Variants in PIK3C2B observed in about 807,000 individuals in gnomAD.
PIK3C2B encodes phosphatidylinositol 4-phosphate 3-kinase C2 domain-containing subunit beta.
A neutral mutation model predicts 184.3 loss-of-function variants in PIK3C2B; 83 were observed. The observed-to-expected ratio is 0.45, with a 90% CI of 0.38 to 0.54. The LOEUF is 0.54. Ranked by LOEUF, PIK3C2B falls within the 20% of genes least tolerant of loss-of-function variation. The pLI, the probability that PIK3C2B is intolerant of heterozygous loss-of-function variation, is 0.00. For missense variants in PIK3C2B, 1,736 were observed against 2,113.5 expected (o/e 0.82, Z 3.50); for synonymous variants, 779 against 837.6 (o/e 0.93, Z 1.21).
At position 204,469,668 on chromosome 1, in the gene PIK3C2B, C is replaced by T. The variant is rs377761619; in HGVS notation, c.135G>A (p.Glu45=). ...DALSRLRHDK[E]ENRAKQNADP... Reference sequence around the variant, plus strand: ...CTGCGTTCTGCTTGGCTCTGTTCTCCTCCTTGTCATGCCGGAGCCGGGACA... The same window carrying T: ...CTGCGTTCTGCTTGGCTCTGTTCTCTTCCTTGTCATGCCGGAGCCGGGACA... Residue 45 remains glutamate, a synonymous_variant, in exon 2 of 33, where the codon GAG becomes GAA. Coordinates refer to ENST00000684373, the MANE Select transcript of PIK3C2B (RefSeq NM_001377334.1). The T allele has an allele frequency of 3.0e-5, 48 of 1,613,948 alleles. No homozygotes were observed. Among genetic ancestry groups the T allele is most frequent in the Non-Finnish European group, 3.8e-5 (45 of 1,180,012 alleles).
intron 29 of PIK3C2B, among the ~76,000 whole-genome samples, chr1:204,429,713 G>T (rs1674937189): frequency 6.6e-6 from 1 of 151,702 alleles, no homozygotes; most frequent in Non-Finnish European, 1.5e-5. Context: ...TCACCTTTCT[G>T]TTTAATTGCA....
At chr1:204,445,276 A>T (rs1653755662) in intron 16 of PIK3C2B, among the ~76,000 whole-genome samples, 1 of 151,924 alleles carries the variant, frequency 6.6e-6, no homozygotes, top group Admixed American at 6.6e-5. Flanking sequence ...AGGGAGTTTA[A>T]TGGTGTCTGT....
At chr1:204,426,440 A>C (rs1674747039) in intron 31 of PIK3C2B, among the ~76,000 whole-genome samples, 1 of 152,190 alleles carries the variant, frequency 6.6e-6, no homozygotes, top group African/African-American at 2.4e-5. Flanking sequence ...CCTCAGATGC[A>C]TAAACATGGC....
chr1:204,476,706 G>A (rs1371304587), intron 1 of PIK3C2B, among the ~76,000 whole-genome samples: 1 of 152,240 alleles, frequency 6.6e-6, no homozygotes, highest in Non-Finnish European at 1.5e-5. Flanking sequence ...CCCATCCAGG[G>A]AGAGATGGCT....
rs1674609380 is a variant in PIK3C2B at position 204,423,857 on chromosome 1, A to G, written c.*995T>C. Reference sequence around the variant, plus strand: ...ATCTGCAGCCTAGGGACCTCTTCCCAGGGCCAAGATGCTCTTGGGTGAAAC... The same window carrying G: ...ATCTGCAGCCTAGGGACCTCTTCCCGGGGCCAAGATGCTCTTGGGTGAAAC... On this transcript the variant is annotated 3_prime_UTR_variant, in exon 33 of 33. Transcript: ENST00000684373. 2.6e-5 allele frequency: 4 copies of G among 152,604 alleles called. No homozygotes were observed. The highest frequency in any genetic ancestry group is 2.6e-4 in the Admixed American group (4 of 15,284). The allele number at this position is 152,604 out of a possible 1,614,324, so 9.5% of individuals were successfully genotyped here.
In PIK3C2B at chr1:204,440,085, GC is replaced by G. The variant is rs1201183686; in HGVS notation, c.3379+106del. ...CCACAGCTTCTCATGAAATAATCTTGCCCTTTTCACTTTCCTGGAGGAGGAC... is the reference window on the plus strand; with the variant it reads ...CCACAGCTTCTCATGAAATAATCTTGCCTTTTCACTTTCCTGGAGGAGGAC... On this transcript the variant is annotated intron_variant, in intron 22 of 32. Transcript: ENST00000684373. 1.3e-5 allele frequency: 15 copies of G among 1,149,192 alleles called. No individual in the cohort carries two copies. In the African/African-American group the frequency reaches 1.4e-4, roughly 11 times the overall value. The allele number at this position is 1,149,192 out of a possible 1,614,324, so 71.2% of individuals were successfully genotyped here. A position where few individuals can be genotyped will look rare whatever the true frequency, so the allele number is the denominator to read the frequency against.
chr1:204,472,978 C>T (rs1332726558), intron 1 of PIK3C2B, among the ~76,000 whole-genome samples: 1 of 152,146 alleles, frequency 6.6e-6, no homozygotes, highest in East Asian at 1.9e-4. Context: ...TGACTCTTAG[C>T]ATCAGCAGCC....
chr1:204,469,867 G>A lies in PIK3C2B; in HGVS notation c.-65C>T. On this transcript the variant is annotated 5_prime_UTR_variant, in exon 2 of 33. It introduces an in-frame stop codon into an upstream open reading frame of the 5' UTR. Transcript: ENST00000684373. ...CTGCCAACGTCAGTTCTGGAGGGTT[G>A]TGACATGGTGTCTGGGCGCCTGCAG... is the stretch of plus-strand genomic sequence containing the variant. The A allele has an allele frequency of 9.1e-7, 1 of 1,099,116 alleles. No individual in the cohort carries two copies. The highest frequency in any genetic ancestry group is 1.3e-5 in the South Asian group (1 of 75,562). The allele number at this position is 1,099,116 out of a possible 1,614,324, so 68.1% of individuals were successfully genotyped here.
chr1:204,464,199 A>T, intron 4 of PIK3C2B, 67 bp from the exon 5 acceptor site: 1 of 1,562,040 alleles, frequency 6.4e-7, no homozygotes. Context: ...CAGTTTCCCC[A>T]CCCTGATCCC....
At chr1:204,485,790 G>A (rs1657535630) in intron 1 of PIK3C2B, among the ~76,000 whole-genome samples, 1 of 151,900 alleles carries the variant, frequency 6.6e-6, no homozygotes, top group Admixed American at 6.6e-5. Context: ...CGTTGCCTAG[G>A]CTGATTGCAA....
rs978184762 is a variant in PIK3C2B at position 204,422,990 on chromosome 1, A to C, written c.*1862T>G. The C allele has an allele frequency of 1.3e-5, 2 of 152,196 alleles. No homozygotes were observed. The highest frequency in any genetic ancestry group is 4.8e-5 in the African/African-American group (2 of 41,424). The allele number at this position is 152,196 out of a possible 1,614,324, so 9.4% of individuals were successfully genotyped here. A position where few individuals can be genotyped will look rare whatever the true frequency, so the allele number is the denominator to read the frequency against. On this transcript the variant is annotated 3_prime_UTR_variant, in exon 33 of 33. Transcript: ENST00000684373. ...AAAACGGGGAGTTTCTGATCCTTGGAATTAGGGAGGGACAGTTTACAGAAT... is the reference window on the plus strand; with the variant it reads ...AAAACGGGGAGTTTCTGATCCTTGGCATTAGGGAGGGACAGTTTACAGAAT...
chr1:204,477,314 G>T (rs1165209974), intron 1 of PIK3C2B, among the ~76,000 whole-genome samples: 1 of 152,180 alleles, frequency 6.6e-6, no homozygotes, highest in Non-Finnish European at 1.5e-5. Context: ...GTGCAGCCAG[G>T]TTTGACCCCA....
In PIK3C2B at chr1:204,425,054, G is replaced by C; in HGVS notation, c.4717-14C>G. ...ATCATATACCAACTGCAAACATAGA[G>C]ATGGGTGAGGGAAGTGGTGAGAGAA... On this transcript the variant is annotated splice_polypyrimidine_tract_variant and intron_variant, in intron 32 of 32. Transcript: ENST00000684373. 6.2e-7 allele frequency: 1 copy of C among 1,607,180 alleles called. No individual in the cohort carries two copies. Among genetic ancestry groups the C allele is most frequent in the Non-Finnish European group, 8.5e-7 (1 of 1,174,582 alleles).
intron 22 of PIK3C2B, among the ~76,000 whole-genome samples, chr1:204,439,534 A>T (rs1161792101): frequency 6.6e-6 from 1 of 152,244 alleles, no homozygotes; most frequent in Non-Finnish European, 1.5e-5. Flanking sequence ...ATTAACAAAG[A>T]CACCATGCCA....
chr1:204,492,682 C>T (rs940951592), intron 1 of PIK3C2B, among the ~76,000 whole-genome samples: 1 of 152,198 alleles, frequency 6.6e-6, no homozygotes, highest in South Asian at 2.1e-4. Context: ...CCCCCAGAAA[C>T]AGCCCAAGTC....
At chr1:204,434,875 T>G (rs1285064729) in intron 23 of PIK3C2B, among the ~76,000 whole-genome samples, 4 of 152,270 alleles carry the variant, frequency 2.6e-5, no homozygotes, top group Admixed American at 2.0e-4. Context: ...TCTCCTTTCT[T>G]TCTCCTAGGG....
In PIK3C2B at chr1:204,456,987, T is replaced by G. The variant is rs202238096; in HGVS notation, c.1747+50A>C. The G allele has an allele frequency of 1.1e-3, 1,719 of 1,510,132 alleles. 14 individuals are homozygous for G. Among genetic ancestry groups the G allele is most frequent in the African/African-American group, 4.6e-3 (330 of 72,026 alleles). 93.5% of individuals were successfully genotyped at this position (1,510,132 alleles called of 1,614,324 possible). On this transcript the variant is annotated intron_variant, in intron 10 of 32. Coordinates refer to ENST00000684373, the MANE Select transcript of PIK3C2B (RefSeq NM_001377334.1). ...CAGAAAAAGGAATCGGGGCAGAGAC[T>G]GCAGTTTTCGGCAGCCCGACTGGAT...
intron 1 of PIK3C2B, among the ~76,000 whole-genome samples, chr1:204,475,782 G>A (rs2103523771): frequency 6.6e-6 from 1 of 152,282 alleles, no homozygotes; most frequent in Middle Eastern, 3.4e-3. Context: ...TTCCCAGACT[G>A]GAATTCAGAC....
Position 204,433,659 on chromosome 1 carries a change from C to T in PIK3C2B, c.3843+134G>A. On this transcript the variant is annotated intron_variant, in intron 25 of 32. Coordinates refer to ENST00000684373, the MANE Select transcript of PIK3C2B (RefSeq NM_001377334.1). This position sits in a 1 kb window ranked among gnomAD's most constrained non-coding sequence, Gnocchi z 5.0. ...AGGTAGTCTGGGTCCCTGCCTTTAT[C>T]TAGGGCAGGCAGGTATTCAGTTGGG... The T allele has an allele frequency of 2.2e-6, 2 of 895,572 alleles. No individual in the cohort carries two copies. Among genetic ancestry groups the T allele is most frequent in the Non-Finnish European group, 3.6e-6 (2 of 561,070 alleles). The allele number at this position is 895,572 out of a possible 1,614,324, so 55.5% of individuals were successfully genotyped here. A position where few individuals can be genotyped will look rare whatever the true frequency, so the allele number is the denominator to read the frequency against.
Sources: allele counts gnomAD v4.1 joint callset (sites outside exome capture counted in the v4.1 genomes callset), GRCh38; gene constraint gnomAD v4.1.1; non-coding constraint Gnocchi (gnomAD v3.1); transcripts MANE v1.5; gene names NCBI Gene and HGNC (gene_info 2026-07-23, HGNC 2026-07-21).